The following SYNDIG1L variants were observed in gnomAD, a reference collection of about 807,000 sequenced individuals.
SYNDIG1L encodes synapse differentiation inducing 1 like.
In SYNDIG1L, 13 loss-of-function variants were observed where a neutral mutation model predicts 20.1. That is an observed-to-expected ratio of 0.65 (90% CI 0.42 to 1.03). The LOEUF (loss-of-function observed/expected upper bound fraction) is 1.03, where lower values mean the gene tolerates loss of function less well. Ranked by LOEUF, SYNDIG1L falls within the 50% of genes least tolerant of loss-of-function variation. The pLI, the probability that SYNDIG1L is intolerant of heterozygous loss-of-function variation, is 0.00. For missense variants in SYNDIG1L, 294 were observed against 305.1 expected (o/e 0.96, Z 0.27); for synonymous variants, 128 against 129.3 (o/e 0.99, Z 0.07).
upstream of SYNDIG1L, among the ~76,000 whole-genome samples, chr14:74,429,367 G>A (rs113179974): frequency 5.3e-5 from 8 of 152,316 alleles, no homozygotes; most frequent in South Asian, 2.1e-4. Context: ...AGTCAGCTCC[G>A]GCTGCTAATC....
intron 1 of SYNDIG1L, among the ~76,000 whole-genome samples, chr14:74,411,002 C>T (rs564823786): frequency 1.3e-5 from 2 of 152,030 alleles, no homozygotes; most frequent in African/African-American, 4.8e-5. Context: ...AGCCATAAAC[C>T]CCCCCAACAC....
intron 1 of SYNDIG1L, among the ~76,000 whole-genome samples, chr14:74,415,902 T>A (rs536970837): frequency 1.3e-5 from 2 of 152,168 alleles, no homozygotes; most frequent in African/African-American, 4.8e-5. Context: ...ATAGTTAAGA[T>A]GTTAAGCTTA....
chr14:74,432,180 T>TGTGTGTGTGA, the SYNDIG1L span, among the ~76,000 whole-genome samples: 15,733 of 122,798 alleles, frequency 0.13, 1,170 homozygotes, highest in Non-Finnish European at 0.17. Context: ...TGTGTGTGTG[T>TGTGTGTGTGA]GAGAGAGAGA....
Position 74,409,572 on chromosome 14 carries a change from C to A in SYNDIG1L, c.173G>T (p.Gly58Val), listed in dbSNP as rs761277151. The change falls in exon 2 of 4, where the codon GGG becomes GTG. Residue 58 changes from glycine (G) to valine (V), a missense_variant. Gly to Val is a moderately radical substitution (Grantham distance 109). Coordinates refer to ENST00000331628, the MANE Select transcript of SYNDIG1L (RefSeq NM_001105579.2). The part of the protein sequence containing the change: ...PAGAHQLLDP[G>V]SLQLAVEAWY... ...GGCCTCCACGGCCAGCTGCAGGGACCCTGGGTCCAGGAGCTGGTGGGCTCC... is the reference window on the plus strand; with the variant it reads ...GGCCTCCACGGCCAGCTGCAGGGACACTGGGTCCAGGAGCTGGTGGGCTCC... 1 of 1,520,636 alleles carries A rather than the reference C, an allele frequency of 6.6e-7. No homozygotes were observed. Among genetic ancestry groups the A allele is most frequent in the South Asian group, 1.3e-5 (1 of 76,220 alleles). The allele number at this position is 1,520,636 out of a possible 1,614,324, so 94.2% of individuals were successfully genotyped here.
chr14:74,410,590 G>A (rs1216331106), intron 1 of SYNDIG1L, among the ~76,000 whole-genome samples: 1 of 152,142 alleles, frequency 6.6e-6, no homozygotes, highest in Non-Finnish European at 1.5e-5. Context: ...GCAGGCTAGC[G>A]AAGATAACTG....
At chr14:74,438,986 T>A in the SYNDIG1L span, among the ~76,000 whole-genome samples, 3 of 152,106 alleles carry the variant, frequency 2.0e-5, no homozygotes, top group African/African-American at 7.2e-5. Context: ...TGGTGGCACG[T>A]GCCTGTAATC....
At chr14:74,422,977 A>T (rs1441923308) in intron 1 of SYNDIG1L, among the ~76,000 whole-genome samples, 1 of 152,046 alleles carries the variant, frequency 6.6e-6, no homozygotes, top group Non-Finnish European at 1.5e-5. Context: ...GGGATTACAG[A>T]CGTGAGCCAC....
chr14:74,442,884 A>T, the SYNDIG1L span, among the ~76,000 whole-genome samples: 1 of 152,128 alleles, frequency 6.6e-6, no homozygotes, highest in Non-Finnish European at 1.5e-5. Context: ...TGAGTAATTG[A>T]ATGGTTGATG....
intron 2 of SYNDIG1L, among the ~76,000 whole-genome samples, chr14:74,408,542 C>T (rs1449789199): frequency 3.5e-5 from 5 of 141,184 alleles, no homozygotes; most frequent in Middle Eastern, 3.8e-3. Context: ...CCAGCCGGGG[C>T]GACAGAGCGA....
At chr14:74,463,358 G>C in the SYNDIG1L span, among the ~76,000 whole-genome samples, 1 of 152,162 alleles carries the variant, frequency 6.6e-6, no homozygotes, top group South Asian at 2.1e-4. Flanking sequence ...AAGGGTTGGA[G>C]CAGCTCAGGG....
At chr14:74,453,087 C>T in the SYNDIG1L span, among the ~76,000 whole-genome samples, 2 of 152,050 alleles carry the variant, frequency 1.3e-5, no homozygotes, top group Non-Finnish European at 2.9e-5. Context: ...TGGCTCACAC[C>T]TGTAATCCCA....
At chr14:74,437,256 C>T in the SYNDIG1L span, among the ~76,000 whole-genome samples, 1 of 152,312 alleles carries the variant, frequency 6.6e-6, no homozygotes, top group South Asian at 2.1e-4. Flanking sequence ...ATCATTGAGG[C>T]AGGGCATGAC....
intron 1 of SYNDIG1L, among the ~76,000 whole-genome samples, chr14:74,411,501 G>A (rs758237): frequency 4.6e-5 from 7 of 151,954 alleles, no homozygotes; most frequent in Non-Finnish European, 8.8e-5. Context: ...CAGCCCCCAT[G>A]AGAATCCACA....
At chr14:74,411,186 G>A (rs1055109943) in intron 1 of SYNDIG1L, among the ~76,000 whole-genome samples, 4 of 152,180 alleles carry the variant, frequency 2.6e-5, no homozygotes, top group Non-Finnish European at 4.4e-5. Context: ...TGGTCTTGAC[G>A]CCTTGGGCAG....
chr14:74,469,854 T>G, the SYNDIG1L span, among the ~76,000 whole-genome samples: 4 of 152,322 alleles, frequency 2.6e-5, no homozygotes, highest in African/African-American at 9.6e-5. Context: ...CTTTGCTTAT[T>G]GTTCTGGGTG....
intron 1 of SYNDIG1L, among the ~76,000 whole-genome samples, chr14:74,421,851 G>A (rs8009761): frequency 0.52 from 79,159 of 152,060 alleles, 20,959 homozygotes; most frequent in African/African-American, 0.61. Flanking sequence ...TGGCTCCCAC[G>A]GGAGGTTTCT....
At chr14:74,446,721 A>G in the SYNDIG1L span, among the ~76,000 whole-genome samples, 1 of 151,862 alleles carries the variant, frequency 6.6e-6, no homozygotes, top group African/African-American at 2.4e-5. Context: ...AGCTCAAGCA[A>G]TTCTCCTGCC....
intron 1 of SYNDIG1L, among the ~76,000 whole-genome samples, chr14:74,413,579 T>C (rs2086149892): frequency 9.4e-6 from 1 of 106,746 alleles, no homozygotes; most frequent in Non-Finnish European, 2.0e-5. Context: ...TTCTTTTTTA[T>C]ACTGTTTTTT....
the SYNDIG1L span, among the ~76,000 whole-genome samples, chr14:74,462,821 C>A: frequency 6.6e-6 from 1 of 152,150 alleles, no homozygotes; most frequent in Non-Finnish European, 1.5e-5. Context: ...AGCCTAAATG[C>A]ATTTTTGACT....
Sources: gnomAD v4.1 joint callset for allele counts (sites outside exome capture counted in the v4.1 genomes callset) on GRCh38, gnomAD v4.1.1 for gene constraint, MANE v1.5 for transcripts, NCBI Gene and HGNC (gene_info 2026-07-23, HGNC 2026-07-21) for gene names.